Variants in ARHGAP28 observed in about 807,000 individuals in gnomAD.
The protein encoded by ARHGAP28 is Rho GTPase activating protein 28.
In ARHGAP28, 56 loss-of-function variants were observed where a neutral mutation model predicts 90.7. That is an observed-to-expected ratio of 0.62 (90% CI 0.50 to 0.77). The LOEUF is 0.77. Among genes scored for constraint, ARHGAP28 ranks in the 30% least tolerant of loss-of-function variants. The probability of loss-of-function intolerance (pLI) is 0.00; values close to 1 mark genes in which losing one functional copy is unlikely to be tolerated. For missense variants in ARHGAP28, 869 were observed against 900.9 expected, an observed-to-expected ratio of 0.96 and a Z score of 0.45; for synonymous variants, 308 against 323.3, an observed-to-expected ratio of 0.95 and a Z score of 0.51.
At position 6,841,208 on chromosome 18, in the gene ARHGAP28, C is replaced by CTCTCTCTCTCTCTCTCTCTCTCT. The variant is rs1555631529; in HGVS notation, c.543+3794_543+3795insTCTCTCTCTCTCTCTCTCTCTCT. On this transcript the variant is annotated intron_variant, in intron 3 of 17. Transcript: ENST00000383472. ...CTCTCTCTCTCTCTCTCTCTCCTCT[C>CTCTCTCTCTCTCTCTCTCTCTCT]CTCTCTCTCTCTCTCCCCCCAACCC... is the stretch of plus-strand genomic sequence containing the variant. Among the ~76,000 whole-genome samples, 43 of 43,126 alleles carry CTCTCTCTCTCTCTCTCTCTCTCT rather than the reference C, an allele frequency of 1.0e-3. 3 individuals carry two copies. The highest frequency in any genetic ancestry group is 1.6e-3 in the Non-Finnish European group (36 of 22,344). The allele number at this position is 43,126 out of a possible 152,430, so 28.3% of individuals were successfully genotyped here.
intron 5 of ARHGAP28, among the ~76,000 whole-genome samples, chr18:6,861,785 G>T (rs952137677): frequency 6.6e-6 from 1 of 152,064 alleles, no homozygotes; most frequent in Non-Finnish European, 1.5e-5. Context: ...GAATTTCTTC[G>T]CATCGTTGGT....
intron 1 of ARHGAP28, among the ~76,000 whole-genome samples, chr18:6,786,941 G>A (rs368916996): frequency 2.6e-5 from 4 of 151,926 alleles, no homozygotes; most frequent in African/African-American, 4.8e-5. Flanking sequence ...AGTTGGGGCC[G>A]CGCGCGGTGG....
At chr18:6,741,879 C>T (rs987281161) in intron 1 of ARHGAP28, among the ~76,000 whole-genome samples, 1 of 152,140 alleles carries the variant, frequency 6.6e-6, no homozygotes. Flanking sequence ...AATCTTGTAG[C>T]TCTTTGCTTT....
intron 2 of ARHGAP28, among the ~76,000 whole-genome samples, chr18:6,833,097 T>C (rs904453396): frequency 6.6e-6 from 1 of 152,080 alleles, no homozygotes; most frequent in Non-Finnish European, 1.5e-5. Context: ...TATATTCTTT[T>C]AATTTTGAAA....
chr18:6,878,496 A>T (rs914259923), intron 10 of ARHGAP28, among the ~76,000 whole-genome samples: 3 of 149,200 alleles, frequency 2.0e-5, no homozygotes, highest in Non-Finnish European at 4.5e-5. Context: ...AAAGTATAAT[A>T]AAAAAAAAAT....
intron 13 of ARHGAP28, 84 bp downstream of exon 13, chr18:6,890,169 TG>T: frequency 6.9e-7 from 1 of 1,459,542 alleles, no homozygotes; most frequent in South Asian, 1.2e-5. Context: ...GCAACTCCCT[TG>T]GTCATAGGGA....
chr18:6,887,050 C>T (rs910120403), intron 11 of ARHGAP28, 107 bp from the exon 12 acceptor site: 1 of 978,026 alleles, frequency 1.0e-6, no homozygotes, highest in Non-Finnish European at 1.6e-6. Flanking sequence ...GTCTTTACCA[C>T]CAAAAGCTGT....
Position 6,871,837 on chromosome 18 carries a change from C to A in ARHGAP28, c.954+1105C>A, listed in dbSNP as rs78064341. 1.5e-3 allele frequency among the ~76,000 whole-genome samples: 231 copies of A among 152,214 alleles called. 1 individual carries two copies. Among genetic ancestry groups the A allele is most frequent in the Non-Finnish European group, 3.0e-3 (203 of 68,014 alleles). On this transcript the variant is annotated intron_variant, in intron 7 of 17. Coordinates refer to ENST00000383472, the MANE Select transcript of ARHGAP28 (RefSeq NM_001366230.1). ...AGGAAAGGAAGAACTCTAGGACTCA[C>A]GGAGTGCCTTCTACGGGCCTGACAC... is the stretch of plus-strand genomic sequence containing the variant.
intron 1 of ARHGAP28, among the ~76,000 whole-genome samples, chr18:6,794,022 T>A (rs12327512): frequency 6.6e-6 from 1 of 152,000 alleles, no homozygotes; most frequent in African/African-American, 2.4e-5. Context: ...ACCATTAAAC[T>A]TTTTCCAGTT....
chr18:6,902,245 T>C (rs1169096343), intron 16 of ARHGAP28, among the ~76,000 whole-genome samples: 2 of 152,176 alleles, frequency 1.3e-5, no homozygotes, highest in African/African-American at 4.8e-5. Flanking sequence ...GTATGGACTT[T>C]AGTTAATAAT....
intron 1 of ARHGAP28, among the ~76,000 whole-genome samples, chr18:6,803,844 T>A (rs2056499907): frequency 6.6e-6 from 1 of 152,126 alleles, no homozygotes; most frequent in Admixed American, 6.5e-5. Flanking sequence ...AGTGGCGCGA[T>A]CTTGGCTCAC....
intron 1 of ARHGAP28, among the ~76,000 whole-genome samples, chr18:6,739,797 A>G (rs2055959967): frequency 6.6e-6 from 1 of 150,874 alleles, no homozygotes; most frequent in South Asian, 2.1e-4. Flanking sequence ...ATATATTTCT[A>G]TAGTTAAAAA....
At chr18:6,776,435 A>G (rs1373336030) in intron 1 of ARHGAP28, among the ~76,000 whole-genome samples, 1 of 152,222 alleles carries the variant, frequency 6.6e-6, no homozygotes, top group Non-Finnish European at 1.5e-5. Flanking sequence ...GGCTTGCTGC[A>G]GCAGCTGGCC....
chr18:6,904,168 C>T (rs770935601), intron 16 of ARHGAP28, among the ~76,000 whole-genome samples: 3 of 152,094 alleles, frequency 2.0e-5, no homozygotes, highest in Admixed American at 6.5e-5. Flanking sequence ...CCGAGGCAGG[C>T]GGAATACCTG....
intron 10 of ARHGAP28, among the ~76,000 whole-genome samples, chr18:6,880,112 TG>T (rs2057165823): frequency 6.6e-6 from 1 of 152,198 alleles, no homozygotes; most frequent in Non-Finnish European, 1.5e-5. Context: ...TTTACTGCAG[TG>T]GTACCAGGCG....
chr18:6,818,483 G>T (rs1267733526), intron 1 of ARHGAP28, among the ~76,000 whole-genome samples: 1 of 152,142 alleles, frequency 6.6e-6, no homozygotes, highest in South Asian at 2.1e-4. Context: ...AGACAAACAT[G>T]GTTCCTCTAT....
intron 11 of ARHGAP28, 80 bp from the exon 12 acceptor site, chr18:6,887,077 C>A: frequency 7.7e-7 from 1 of 1,303,180 alleles, no homozygotes; most frequent in Non-Finnish European, 1.1e-6. Context: ...CCCTCCTGTG[C>A]CACCAGATGC....
chr18:6,740,028 A>G (rs1171288735), intron 1 of ARHGAP28, among the ~76,000 whole-genome samples: 1 of 151,860 alleles, frequency 6.6e-6, no homozygotes, highest in Non-Finnish European at 1.5e-5. Context: ...CTAATTTTGT[A>G]TCTTTAGTGG....
chr18:6,771,830 T>C lies in ARHGAP28; in HGVS notation c.122+41887T>C, dbSNP rs903878524. On this transcript the variant is annotated intron_variant, in intron 1 of 17. Transcript: ENST00000383472. ...CATTTTCCTTGTCTGGATAATGCTC[T>C]TTATGTAGTTAGATAAAAGGTTAGG... is the stretch of plus-strand genomic sequence containing the variant. Among the ~76,000 whole-genome samples the C allele has an allele frequency of 2.0e-5, 3 of 152,208 alleles. No homozygotes were observed. The East Asian group carries it at 5.8e-4, about 29-fold the overall frequency.
Sources: gnomAD v4.1 joint callset for allele counts (sites outside exome capture counted in the v4.1 genomes callset) on GRCh38, gnomAD v4.1.1 for gene constraint, MANE v1.5 for transcripts, NCBI Gene and HGNC (gene_info 2026-07-23, HGNC 2026-07-21) for gene names.